Variants in GFM2 observed in about 807,000 individuals in gnomAD.
The protein encoded by GFM2 is GTP dependent ribosome recycling factor mitochondrial 2, also known as ribosome-releasing factor 2, mitochondrial.
In GFM2, 72 loss-of-function variants were observed where a neutral mutation model predicts 95.4. The observed-to-expected ratio is 0.76, with a 90% CI of 0.62 to 0.92. The LOEUF is 0.92. GFM2 is among the 40% of genes least tolerant of loss of function. The pLI is 0.00. For missense variants in GFM2, 825 were observed against 924.1 expected (o/e 0.89, Z 1.39); for synonymous variants, 276 against 317.5 (o/e 0.87, Z 1.39).
chr5:74,743,953 T>A (rs1026524202), intron 10 of GFM2, among the ~76,000 whole-genome samples: 10 of 152,196 alleles, frequency 6.6e-5, no homozygotes, highest in Admixed American at 1.3e-4. Flanking sequence ...TAGCACACAG[T>A]AGGCCCTCAT....
chr5:74,747,732 G>A lies in GFM2; in HGVS notation c.568C>T (p.Arg190Ter), dbSNP rs924438731. The A allele has an allele frequency of 2.3e-5, 37 of 1,612,242 alleles. No homozygotes were observed. The highest frequency in any genetic ancestry group is 1.7e-4 in the Middle Eastern group (1 of 6,052). ...WRQADKHNIP[R>*]ICFLNKMDKT... is the part of the protein sequence containing the mutation. ...TCCATCTTGTTTAAAAAACAGATTC[G>A]AGGTATATTGTGTTTATCAGCTTGC... The change falls in exon 8 of 21, where the codon CGA becomes TGA. Residue 190 changes from arginine to a stop codon, truncating the protein, a stop_gained. Transcript: ENST00000296805. LOFTEE classifies it high-confidence loss of function.
chr5:74,741,380 TTTAAC>T, intron 11 of GFM2, 144 bp downstream of exon 11: 1 of 585,900 alleles, frequency 1.7e-6, no homozygotes, highest in Non-Finnish European at 3.1e-6. Context: ...TAGTAGTGAC[TTTAAC>T]TTAATGTTCT....
intron 15 of GFM2, 57 bp from the exon 16 acceptor site, chr5:74,733,155 G>A (rs1389412917): frequency 7.9e-7 from 1 of 1,258,446 alleles, no homozygotes; most frequent in Admixed American, 1.7e-5. Flanking sequence ...TTTATTATAT[G>A]TTCTAGTGGG....
At chr5:74,726,209 C>G (rs1750140928) in intron 17 of GFM2, 83 bp from the exon 18 acceptor site, 5 of 900,190 alleles carry the variant, frequency 5.6e-6, no homozygotes, top group Non-Finnish European at 8.5e-6. Flanking sequence ...TTATCATCAA[C>G]AAGCTCAGGG....
At chr5:74,737,561 T>C (rs560245215) in intron 14 of GFM2, among the ~76,000 whole-genome samples, 1 of 152,138 alleles carries the variant, frequency 6.6e-6, no homozygotes, top group Admixed American at 6.5e-5. Context: ...CTTCTTCAAA[T>C]ACATACAAGG....
intron 5 of GFM2, among the ~76,000 whole-genome samples, chr5:74,752,325 C>A (rs6873912): frequency 0.16 from 24,344 of 152,076 alleles, 2,366 homozygotes; most frequent in African/African-American, 0.27. Flanking sequence ...ATTATCATGG[C>A]CTTATACTAC....
rs757683184 is a variant in GFM2 at position 74,741,575 on chromosome 5, AC to A, written c.883del (p.Val295PhefsTer2). 5.0e-6 allele frequency: 8 copies of A among 1,590,758 alleles called. No homozygotes were observed. In the Admixed American group the frequency reaches 1.4e-4, roughly 27 times the overall value. ...AAAATTCTCACTAAATTCTTCTAAA[AC>A]CAAGTCAGCAAATTCATCATCCAAA... Reference protein sequence around the residue: ...ADLDDEFADLVLEEFSENFDL... With the variant: ...ADLDDEFADLXLEEFSENFDL... On this transcript the variant is annotated frameshift_variant, in exon 11 of 21. Coordinates refer to ENST00000296805, the MANE Select transcript of GFM2 (RefSeq NM_032380.5). LOFTEE classifies it high-confidence loss of function.
At chr5:74,732,294 TATC>T (rs1418566807) in intron 16 of GFM2, among the ~76,000 whole-genome samples, 5 of 152,114 alleles carry the variant, frequency 3.3e-5, no homozygotes, top group East Asian at 3.8e-4. Context: ...TAATTACTGT[TATC>T]ATACTCTTCA....
At position 74,740,037 on chromosome 5, in the gene GFM2, G is replaced by A. The variant is rs1391156161; in HGVS notation, c.1031C>T (p.Ala344Val). Residue 344 changes from alanine to valine, a missense_variant, in exon 12 of 21, where the codon GCT (alanine) becomes GTT (valine). By Grantham distance (64) the Ala-to-Val change is moderately conservative. Transcript: ENST00000296805. The stretch of plus-strand genomic sequence containing the variant: ...AGGTGAAGGTAAGTACATAGTAACA[G>A]CATCTAACAAGGGCTGTATCCCTTT... ...KNKGIQPLLD[A>V]VTMYLPSPEE... 2 of 1,601,174 alleles carry A rather than the reference G, an allele frequency of 1.2e-6. No homozygotes were observed. Among genetic ancestry groups the A allele is most frequent in the Non-Finnish European group, 1.7e-6 (2 of 1,174,654 alleles).
At chr5:74,727,451 G>A (rs1264715371) in intron 17 of GFM2, among the ~76,000 whole-genome samples, 1 of 152,116 alleles carries the variant, frequency 6.6e-6, no homozygotes, top group South Asian at 2.1e-4. Flanking sequence ...GTTTGGGAGA[G>A]TCGTCTGCAC....
chr5:74,747,342 C>T (rs549851425), intron 8 of GFM2, among the ~76,000 whole-genome samples: 4 of 152,216 alleles, frequency 2.6e-5, no homozygotes, highest in East Asian at 3.9e-4. Context: ...CTATCTTTAG[C>T]GATGATGGGA....
intron 5 of GFM2, among the ~76,000 whole-genome samples, chr5:74,754,941 C>T (rs1233531454): frequency 6.6e-6 from 1 of 151,958 alleles, no homozygotes; most frequent in Non-Finnish European, 1.5e-5. Context: ...CATAAAAATA[C>T]AAAAATTAGC....
rs766962387 is a variant in GFM2, at chr5:74,733,008, A to G, written c.1587+14T>C. ...TATAGAAAGGCTTCTGGAGTTTAGC[A>G]ATAATATACCTACTTGTCCAGAGTC... is the stretch of plus-strand genomic sequence containing the variant. On this transcript the variant is annotated intron_variant, in intron 16 of 20. Transcript: ENST00000296805. 1 of 1,536,582 alleles carries G rather than the reference A, an allele frequency of 6.5e-7. No homozygotes were observed. Among genetic ancestry groups the G allele is most frequent in the Non-Finnish European group, 9.0e-7 (1 of 1,110,114 alleles).
chr5:74,727,240 G>T (rs1750188798), intron 17 of GFM2, among the ~76,000 whole-genome samples: 2 of 152,036 alleles, frequency 1.3e-5, no homozygotes. Context: ...AGCTAAAAAT[G>T]AGCATTCATG....
chr5:74,731,505 G>A (rs1742559169), intron 16 of GFM2, among the ~76,000 whole-genome samples: 2 of 152,122 alleles, frequency 1.3e-5, no homozygotes, highest in South Asian at 4.1e-4. Flanking sequence ...ACATGTCCCT[G>A]AGGATAAAGG....
At chr5:74,730,195 C>T in intron 17 of GFM2, 65 bp downstream of exon 17, 1 of 1,448,342 alleles carries the variant, frequency 6.9e-7, no homozygotes, top group Non-Finnish European at 9.3e-7. Flanking sequence ...CTGCTTTCAG[C>T]AACTAAATAG....
At chr5:74,747,841 G>T in intron 7 of GFM2, 61 bp from the exon 8 acceptor site, 1 of 885,438 alleles carries the variant, frequency 1.1e-6, no homozygotes. Flanking sequence ...TACTAGACCT[G>T]GAATGAAGAG....
intron 6 of GFM2, 34 bp downstream of exon 6, chr5:74,751,334 G>A (rs538351483): frequency 1.0e-5 from 16 of 1,566,358 alleles, no homozygotes; most frequent in South Asian, 2.4e-5. Context: ...TCCAAATGAC[G>A]CAGCATCTCT....
rs1188181408 is a variant in GFM2, at chr5:74,765,101, T to G, written c.-24-1335A>C. On this transcript the variant is annotated intron_variant, in intron 1 of 20. Coordinates refer to ENST00000296805, the MANE Select transcript of GFM2 (RefSeq NM_032380.5). ...ATGCCTGGCCTTGAATCCATTCCCTTTTCATTGGTAACGCCAAAGTTCAGG... is the reference window on the plus strand; with the variant it reads ...ATGCCTGGCCTTGAATCCATTCCCTGTTCATTGGTAACGCCAAAGTTCAGG... 3.2e-6 allele frequency: 4 copies of G among 1,259,326 alleles called. No individual in the cohort carries two copies. The African/African-American group carries it at 4.6e-5, about 14-fold the overall frequency. The allele number at this position is 1,259,326 out of a possible 1,614,324, so 78.0% of individuals were successfully genotyped here.
Sources: gnomAD v4.1 joint callset for allele counts (sites outside exome capture counted in the v4.1 genomes callset) on GRCh38, gnomAD v4.1.1 for gene constraint, MANE v1.5 for transcripts, NCBI Gene and HGNC (gene_info 2026-07-23, HGNC 2026-07-21) for gene names.